TFDP2: variants seen among roughly 807,000 people sequenced by gnomAD.
TFDP2 encodes transcription factor Dp-2 (E2F dimerization partner 2).
A neutral mutation model predicts 59.3 loss-of-function variants in TFDP2; 17 were observed. That is an observed-to-expected ratio of 0.29 (90% CI 0.20 to 0.43). The LOEUF (loss-of-function observed/expected upper bound fraction) is 0.43, where lower values mean the gene tolerates loss of function less well. Ranked by LOEUF, TFDP2 falls within the 20% of genes least tolerant of loss-of-function variation. The probability of loss-of-function intolerance (pLI) is 1.00; values close to 1 mark genes in which losing one functional copy is unlikely to be tolerated. For synonymous variants in TFDP2, 180 were observed against 194.7 expected (o/e 0.92, Z 0.63); for missense variants, 391 against 528.8 (o/e 0.74, Z 2.56).
intron 3 of TFDP2, among the ~76,000 whole-genome samples, chr3:142,065,662 C>A (rs965185256): frequency 2.0e-5 from 3 of 151,904 alleles, no homozygotes; most frequent in Middle Eastern, 3.4e-3. Context: ...TAGGTGCACA[C>A]CCCCATACCT....
chr3:142,125,026 T>C (rs991938817), intron 1 of TFDP2, among the ~76,000 whole-genome samples: 6 of 151,688 alleles, frequency 4.0e-5, no homozygotes, highest in African/African-American at 1.5e-4. Flanking sequence ...GGTGATTCCA[T>C]CTTTACCGAA....
At chr3:142,036,580 G>A (rs1011098255) in intron 3 of TFDP2, among the ~76,000 whole-genome samples, 1 of 152,034 alleles carries the variant, frequency 6.6e-6, no homozygotes, top group Non-Finnish European at 1.5e-5. Flanking sequence ...TCATCTAGAA[G>A]ACCACATAGT....
At position 141,948,790 on chromosome 3, in the gene TFDP2, T is replaced by G. The variant is rs74733987; in HGVS notation, c.*3723A>C. ...TTATAGATGTCTTGCAGGGCTAAAC[T>G]GAACCACTCCTCTGTGAAATATTTC... On this transcript the variant is annotated 3_prime_UTR_variant, in exon 13 of 13. Transcript: ENST00000489671. The G allele has an allele frequency of 0.09, 13,644 of 152,046 alleles. 768 individuals are homozygous for G. The highest frequency in any genetic ancestry group is 0.16 in the East Asian group (841 of 5,148). The allele number at this position is 152,046 out of a possible 1,614,324, so 9.4% of individuals were successfully genotyped here.
At chr3:142,025,657 T>G (rs1205970490) in intron 3 of TFDP2, among the ~76,000 whole-genome samples, 1 of 152,222 alleles carries the variant, frequency 6.6e-6, no homozygotes, top group Non-Finnish European at 1.5e-5. Context: ...AATCTATAGT[T>G]TGTAAATCCA....
At position 142,075,906 on chromosome 3, in the gene TFDP2, C is replaced by CAAAAAAAAAAAAAAAAA. The variant is rs60581045; in HGVS notation, c.82+17138_82+17154dup. On this transcript the variant is annotated intron_variant, in intron 3 of 12. Transcript: ENST00000489671. ...TGGGCAACAGAGCCAGAACCTGCCT[C>CAAAAAAAAAAAAAAAAA]AAAAAAAAAAAAAAAAAAGGCTTTC... 8.7e-5 allele frequency among the ~76,000 whole-genome samples: 7 copies of CAAAAAAAAAAAAAAAAA among 80,706 alleles called. 1 individual carries two copies. Among genetic ancestry groups the CAAAAAAAAAAAAAAAAA allele is most frequent in the African/African-American group, 3.3e-4 (6 of 18,376 alleles). The allele number at this position is 80,706 out of a possible 152,430, so 52.9% of individuals were successfully genotyped here.
chr3:142,004,951 C>T (rs1195994568), intron 4 of TFDP2, among the ~76,000 whole-genome samples: 1 of 152,196 alleles, frequency 6.6e-6, no homozygotes, highest in African/African-American at 2.4e-5. Context: ...TATCAAAGAG[C>T]ACACAATGTT....
At chr3:141,959,937 T>G (rs1352817622) in intron 10 of TFDP2, 97 bp from the exon 11 acceptor site, 1 of 1,227,486 alleles carries the variant, frequency 8.1e-7, no homozygotes, top group East Asian at 2.4e-5. Context: ...GGGGCCTAAA[T>G]CCAGCTATAG....
At chr3:141,962,740 G>A (rs1190571682) in intron 10 of TFDP2, among the ~76,000 whole-genome samples, 1 of 152,230 alleles carries the variant, frequency 6.6e-6, no homozygotes, top group Non-Finnish European at 1.5e-5. Context: ...GGGGGCGCAA[G>A]AGCGCCAGGA....
At chr3:142,011,572 C>A (rs1356248807) in intron 3 of TFDP2, among the ~76,000 whole-genome samples, 1 of 117,006 alleles carries the variant, frequency 8.5e-6, no homozygotes, top group Non-Finnish European at 1.8e-5. Context: ...CACATGTACC[C>A]TAAAACTTAA....
At chr3:141,973,474 C>T (rs1470036221) in intron 8 of TFDP2, among the ~76,000 whole-genome samples, 2 of 152,128 alleles carry the variant, frequency 1.3e-5, no homozygotes, top group African/African-American at 2.4e-5. Context: ...GGAACATGCT[C>T]ATTTAGGAAG....
chr3:142,036,857 T>C (rs1946715169), intron 3 of TFDP2, among the ~76,000 whole-genome samples: 1 of 152,228 alleles, frequency 6.6e-6, no homozygotes, highest in African/African-American at 2.4e-5. Flanking sequence ...TTCCCAAACA[T>C]GCTAAAGATA....
At chr3:142,078,009 T>C (rs536845307) in intron 3 of TFDP2, among the ~76,000 whole-genome samples, 1 of 152,278 alleles carries the variant, frequency 6.6e-6, no homozygotes, top group South Asian at 2.1e-4. Context: ...TGAAGAGCCC[T>C]TGAGCCTTAA....
chr3:142,117,435 C>T (rs541083832), intron 1 of TFDP2, among the ~76,000 whole-genome samples: 3 of 148,352 alleles, frequency 2.0e-5, no homozygotes, highest in African/African-American at 4.9e-5. Context: ...AAAAAAAAAG[C>T]AGCAAATAGC....
intron 2 of TFDP2, 87 bp from the exon 3 acceptor site, chr3:142,093,214 A>T (rs368997881): frequency 1.3e-6 from 1 of 785,912 alleles, no homozygotes. Flanking sequence ...TCCATCAGAC[A>T]TCCATATCAA....
intron 3 of TFDP2, among the ~76,000 whole-genome samples, chr3:142,054,447 T>C (rs757476640): frequency 3.3e-5 from 5 of 152,244 alleles, no homozygotes; most frequent in Non-Finnish European, 5.9e-5. Context: ...ATGACTTTAG[T>C]AGCTGGTTTT....
intron 1 of TFDP2, among the ~76,000 whole-genome samples, chr3:142,144,343 C>A (rs1408405255): frequency 6.6e-6 from 1 of 151,226 alleles, no homozygotes; most frequent in African/African-American, 2.4e-5. Context: ...CACTGCCAGC[C>A]TGGGCAATAG....
chr3:142,050,632 C>T (rs954274341), intron 3 of TFDP2, among the ~76,000 whole-genome samples: 10 of 152,054 alleles, frequency 6.6e-5, no homozygotes, highest in Non-Finnish European at 1.2e-4. Flanking sequence ...GGAGGCAGAG[C>T]TTGCAGTGAG....
intron 3 of TFDP2, among the ~76,000 whole-genome samples, chr3:142,078,869 T>C (rs1386732995): frequency 8.5e-5 from 13 of 152,056 alleles, no homozygotes. Flanking sequence ...GAATTCAAAA[T>C]TGCTGTTTTG....
Position 142,134,348 on chromosome 3 carries a change from C to CA in TFDP2, c.-93+14834dup, listed in dbSNP as rs71878913. ...TGGGCAACAGAGCGAGACCCCATCT[C>CA]AAAAAAAAAAAAAAGAAAAAGAAAA... On this transcript the variant is annotated intron_variant, in intron 1 of 12. Coordinates refer to ENST00000489671, the MANE Select transcript of TFDP2 (RefSeq NM_001178139.2). Among the ~76,000 whole-genome samples the CA allele has an allele frequency of 3.1e-3, 387 of 126,590 alleles. 1 individual carries two copies. Among genetic ancestry groups the CA allele is most frequent in the Middle Eastern group, 3.9e-3 (1 of 256 alleles). 83.0% of individuals were successfully genotyped at this position (126,590 alleles called of 152,430 possible). A position where few individuals can be genotyped will look rare whatever the true frequency, so the allele number is the denominator to read the frequency against.
Sources: allele counts gnomAD v4.1 joint callset (sites outside exome capture counted in the v4.1 genomes callset), GRCh38; gene constraint gnomAD v4.1.1; transcripts MANE v1.5; gene names NCBI Gene and HGNC (gene_info 2026-07-23, HGNC 2026-07-21).